Variants in DIP2A observed in about 807,000 individuals in gnomAD.
DIP2A encodes DIP2 acetate--CoA ligase A.
In DIP2A, 85 loss-of-function variants were observed where a neutral mutation model predicts 177.4. The observed-to-expected ratio is 0.48, with a 90% CI of 0.40 to 0.57. DIP2A has a LOEUF of 0.57. DIP2A is among the 20% of genes least tolerant of loss of function. The pLI, the probability that DIP2A is intolerant of heterozygous loss-of-function variation, is 0.00. For missense variants in DIP2A, 1,791 were observed against 2,100.2 expected, an observed-to-expected ratio of 0.85 and a Z score of 2.88; for synonymous variants, 886 against 881.8, an observed-to-expected ratio of 1.00 and a Z score of -0.08.
chr21:46,496,269 A>G (rs935794519), intron 3 of DIP2A, among the ~76,000 whole-genome samples: 2 of 152,054 alleles, frequency 1.3e-5, no homozygotes, highest in African/African-American at 4.8e-5. Flanking sequence ...TGGTAGAATC[A>G]GACTATTAAG....
chr21:46,477,371 A>G (rs2055941826), intron 1 of DIP2A, among the ~76,000 whole-genome samples: 4 of 151,512 alleles, frequency 2.6e-5, no homozygotes, highest in Admixed American at 2.6e-4. Flanking sequence ...TACTAAAAAT[A>G]CAAAAATTAA....
At chr21:46,549,669 T>A in intron 21 of DIP2A, 102 bp from the exon 22 acceptor site, 1 of 1,534,304 alleles carries the variant, frequency 6.5e-7, no homozygotes, top group East Asian at 2.3e-5. Context: ...GACTGCATTT[T>A]AAATACTAGG....
intron 19 of DIP2A, among the ~76,000 whole-genome samples, chr21:46,545,553 G>A (rs906605292): frequency 7.9e-5 from 12 of 152,308 alleles, no homozygotes; most frequent in African/African-American, 2.9e-4. Context: ...CGGCCTGGTG[G>A]CCAATAGGAA....
intron 8 of DIP2A, among the ~76,000 whole-genome samples, chr21:46,523,802 G>A (rs1297839329): frequency 6.6e-6 from 1 of 152,204 alleles, no homozygotes; most frequent in Admixed American, 6.5e-5. Flanking sequence ...TGGAAACCAA[G>A]AGAAAGTACC....
chr21:46,549,875 G>T lies in DIP2A; in HGVS notation c.2627G>T (p.Arg876Leu), dbSNP rs779107720. ...GAGGACAGCTTCCAGTGGATGAGCC[G>T]TGTGCTGCAGGTGGGCGCCCCGGCA... is the stretch of plus-strand genomic sequence containing the variant. ...SEEDSFQWMSRVLQAIDSIHQ... is the reference protein window; with the variant it reads ...SEEDSFQWMSLVLQAIDSIHQ... Residue 876 changes from arginine to leucine, a missense_variant, in exon 22 of 38, where the codon CGT becomes CTT. Coordinates refer to ENST00000417564, the MANE Select transcript of DIP2A (RefSeq NM_015151.4). The T allele has an allele frequency of 6.2e-7, 1 of 1,611,440 alleles. No individual in the cohort carries two copies. The highest frequency in any genetic ancestry group is 1.7e-5 in the Admixed American group (1 of 60,034).
Position 46,549,662 on chromosome 21 carries a change from T to G in DIP2A, c.2523-109T>G. 3 of 1,529,294 alleles carry G rather than the reference T, an allele frequency of 2.0e-6. No homozygotes were observed. In the Admixed American group the frequency reaches 5.7e-5, roughly 29 times the overall value. 94.7% of individuals were successfully genotyped at this position (1,529,294 alleles called of 1,614,324 possible). ...CAGCAGGTAGCCCCATTTGATAGAC[T>G]GCATTTTAAATACTAGGACAGTCTG... On this transcript the variant is annotated intron_variant, in intron 21 of 37. Transcript: ENST00000417564.
chr21:46,529,505 G>A (rs1324180017), intron 9 of DIP2A, among the ~76,000 whole-genome samples: 1 of 151,856 alleles, frequency 6.6e-6, no homozygotes, highest in East Asian at 1.9e-4. Flanking sequence ...GGAGGCTGAG[G>A]CATGAGAATC....
intron 1 of DIP2A, chr21:46,463,322 A>G (rs1444176978): frequency 1.3e-5 from 2 of 152,158 alleles, no homozygotes; most frequent in Non-Finnish European, 1.5e-5. Flanking sequence ...CTCACAGCTG[A>G]TTTTGGCACA....
At chr21:46,520,008 G>A (rs1314121353) in intron 8 of DIP2A, among the ~76,000 whole-genome samples, 1 of 151,548 alleles carries the variant, frequency 6.6e-6, no homozygotes, top group Non-Finnish European at 1.5e-5. Flanking sequence ...CCAAGTAGCT[G>A]GGACTACAGG....
In DIP2A at chr21:46,464,262, G is replaced by T. The variant is rs930040633; in HGVS notation, c.91+5040G>T. Reference sequence around the variant, plus strand: ...CAAAAAATTAGCCGGGCGTGGTGGCGTATGCCTGTAATCCCAGCTACTTGG... The same window carrying T: ...CAAAAAATTAGCCGGGCGTGGTGGCTTATGCCTGTAATCCCAGCTACTTGG... On this transcript the variant is annotated intron_variant, in intron 1 of 37. Coordinates refer to ENST00000417564, the MANE Select transcript of DIP2A (RefSeq NM_015151.4). Among the ~76,000 whole-genome samples the T allele has an allele frequency of 1.1e-4, 16 of 151,722 alleles. No individual in the cohort carries two copies. In the East Asian group the frequency reaches 2.8e-3, roughly 26 times the overall value.
Position 46,563,938 on chromosome 21 carries a change from C to A in DIP2A, c.4164+6C>A. The A allele has an allele frequency of 6.2e-7, 1 of 1,612,652 alleles. No individual in the cohort carries two copies. The highest frequency in any genetic ancestry group is 8.5e-7 in the Non-Finnish European group (1 of 1,179,604). On this transcript the variant is annotated splice_donor_region_variant and intron_variant, in intron 35 of 37. Coordinates refer to ENST00000417564, the MANE Select transcript of DIP2A (RefSeq NM_015151.4). The surrounding 1 kb of genome is among the most constrained non-coding windows in gnomAD (Gnocchi z 4.3). The stretch of plus-strand genomic sequence containing the variant: ...GAGACTCACACCTGGGAGAGGTGAG[C>A]AGGGGCCCATGGGAGGGGCTTGAGC...
chr21:46,537,790 C>G lies in DIP2A; in HGVS notation c.1801+251C>G, dbSNP rs969061372. ...TTGGTGGGGTCTGGGCCTTACTTCTCTCAACGGTTGAGGTGCCTCCTGGGA... is the reference window on the plus strand; with the variant it reads ...TTGGTGGGGTCTGGGCCTTACTTCTGTCAACGGTTGAGGTGCCTCCTGGGA... On this transcript the variant is annotated intron_variant, in intron 15 of 37. Transcript: ENST00000417564. The surrounding 1 kb of genome is among the most constrained non-coding windows in gnomAD (Gnocchi z 4.1). Among the ~76,000 whole-genome samples the G allele has an allele frequency of 2.0e-5, 3 of 152,120 alleles. No homozygotes were observed. Among genetic ancestry groups the G allele is most frequent in the Admixed American group, 6.6e-5 (1 of 15,258 alleles).
chr21:46,494,090 T>TTTTCACAAAGTAATTAACAATAAA, intron 3 of DIP2A, among the ~76,000 whole-genome samples: 1 of 152,248 alleles, frequency 6.6e-6, no homozygotes. Flanking sequence ...GATAATGCCA[T>TTTTCACAAAGTAATTAACAATAAA]TTTCACAAAG....
chr21:46,573,645 CAA>C (rs201994694), downstream of DIP2A, among the ~76,000 whole-genome samples: 12 of 52,964 alleles, frequency 2.3e-4, no homozygotes, highest in Admixed American at 5.1e-4. Flanking sequence ...CCCTCTCTCA[CAA>C]AAAAAAAAAA....
chr21:46,513,789 G>C (rs1359941343), intron 8 of DIP2A, among the ~76,000 whole-genome samples: 3 of 152,014 alleles, frequency 2.0e-5, no homozygotes, highest in Admixed American at 1.3e-4. Flanking sequence ...TTGGATTTCT[G>C]ATTTTTGGAC....
At chr21:46,459,528 C>T (rs1370162708) in intron 1 of DIP2A, among the ~76,000 whole-genome samples, 1 of 86,832 alleles carries the variant, frequency 1.2e-5, no homozygotes, top group Non-Finnish European at 3.0e-5. Flanking sequence ...AACTCCCGCC[C>T]CTCACCCCCG....
intron 26 of DIP2A, 69 bp downstream of exon 26, chr21:46,554,361 A>G: frequency 6.3e-7 from 1 of 1,587,924 alleles, no homozygotes; most frequent in Non-Finnish European, 8.6e-7. Flanking sequence ...GCAGCCCCCT[A>G]GACACTCCCT....
chr21:46,525,064 T>G (rs968370445), intron 8 of DIP2A, among the ~76,000 whole-genome samples: 1 of 151,800 alleles, frequency 6.6e-6, no homozygotes, highest in Non-Finnish European at 1.5e-5. Flanking sequence ...TTTTTGTATT[T>G]TTAGTAGAGT....
chr21:46,556,982 T>C lies in DIP2A; in HGVS notation c.3542T>C (p.Leu1181Pro). The C allele has an allele frequency of 6.2e-7, 1 of 1,600,254 alleles. No individual in the cohort carries two copies. Among genetic ancestry groups the C allele is most frequent in the Non-Finnish European group, 8.5e-7 (1 of 1,173,062 alleles). ...AGCGCCTTATGCCGCTCCATAAAGCTGCAGTGTGAGCTGTACCCCTCGCGG... is the reference window on the plus strand; with the variant it reads ...AGCGCCTTATGCCGCTCCATAAAGCCGCAGTGTGAGCTGTACCCCTCGCGG... ...ATSALCRSIK[L>P]QCELYPSRQI... Residue 1181 changes from leucine (L) to proline (P), a missense_variant, in exon 30 of 38, where the codon CTG becomes CCG. Coordinates refer to ENST00000417564, the MANE Select transcript of DIP2A (RefSeq NM_015151.4). This position sits in a 1 kb window ranked among gnomAD's most constrained non-coding sequence, Gnocchi z 4.5.
Sources: allele counts gnomAD v4.1 joint callset (sites outside exome capture counted in the v4.1 genomes callset), GRCh38; gene constraint gnomAD v4.1.1; non-coding constraint Gnocchi (gnomAD v3.1); transcripts MANE v1.5; gene names NCBI Gene and HGNC (gene_info 2026-07-23, HGNC 2026-07-21).